Variants in PLEKHM3 observed in about 807,000 individuals in gnomAD.
PLEKHM3 encodes pleckstrin homology domain containing M3, also known as pleckstrin homology domain-containing family M member 3.
Under a neutral mutation model 81.8 loss-of-function variants are expected in PLEKHM3, and 45 were observed. That is an observed-to-expected ratio of 0.55 (90% CI 0.43 to 0.71). PLEKHM3 has a LOEUF of 0.71. Among genes scored for constraint, PLEKHM3 ranks in the 30% least tolerant of loss-of-function variants. The pLI is 0.00. For missense variants in PLEKHM3, 788 were observed against 924.3 expected (o/e 0.85, Z 1.91); for synonymous variants, 352 against 356.4 (o/e 0.99, Z 0.14).
chr2:207,868,452 G>A (rs952106325), intron 6 of PLEKHM3: 64 of 152,156 alleles, frequency 4.2e-4, no homozygotes, highest in African/African-American at 1.5e-3. Context: ...GGGGTAGAGT[G>A]GAAAAAGCAA....
intron 3 of PLEKHM3, among the ~76,000 whole-genome samples, chr2:207,954,859 C>T (rs540336708): frequency 6.6e-6 from 1 of 152,292 alleles, no homozygotes; most frequent in South Asian, 2.1e-4. Context: ...TATTTAATCT[C>T]ATGGAATGTT....
At chr2:207,974,709 C>T (rs541812430) in intron 3 of PLEKHM3, among the ~76,000 whole-genome samples, 496 of 152,230 alleles carry the variant, frequency 3.3e-3, no homozygotes, top group Non-Finnish European at 5.5e-3. Context: ...TCAGTAATTT[C>T]TATTTTTTTA....
intron 7 of PLEKHM3, among the ~76,000 whole-genome samples, chr2:207,841,852 C>G (rs1266720781): frequency 1.3e-5 from 2 of 152,076 alleles, no homozygotes; most frequent in African/African-American, 2.4e-5. Flanking sequence ...GAAACAGTCT[C>G]CCTTCATGTA....
intron 5 of PLEKHM3, among the ~76,000 whole-genome samples, chr2:207,922,179 A>C (rs1240357243): frequency 6.6e-6 from 1 of 152,070 alleles, no homozygotes; most frequent in Non-Finnish European, 1.5e-5. Flanking sequence ...TAGCCATTCT[A>C]ACTGGGGTGA....
At chr2:207,924,824 C>G (rs73983639) in intron 5 of PLEKHM3, among the ~76,000 whole-genome samples, 15 of 152,040 alleles carry the variant, frequency 9.9e-5, no homozygotes, top group Non-Finnish European at 2.1e-4. Context: ...GAAGGGCAGC[C>G]GAGGTGTTGG....
intron 3 of PLEKHM3, among the ~76,000 whole-genome samples, chr2:207,966,706 C>G (rs1045968566): frequency 6.6e-6 from 1 of 152,116 alleles, no homozygotes; most frequent in Non-Finnish European, 1.5e-5. Context: ...GTGCCTGCCA[C>G]CATGCCCGGC....
chr2:207,875,036 A>G (rs2092553654), intron 6 of PLEKHM3, among the ~76,000 whole-genome samples: 1 of 152,100 alleles, frequency 6.6e-6, no homozygotes, highest in Non-Finnish European at 1.5e-5. Context: ...TGGGGTAAAT[A>G]TTTTGTAATC....
rs369723820 is a variant in PLEKHM3 at position 207,914,218 on chromosome 2, G to A, written c.1887-5641C>T. Among the ~76,000 whole-genome samples the A allele has an allele frequency of 4.3e-4, 66 of 151,970 alleles. No homozygotes were observed. In the East Asian group the frequency reaches 9.6e-3, roughly 22 times the overall value. On this transcript the variant is annotated intron_variant, in intron 5 of 7. Transcript: ENST00000427836. The stretch of plus-strand genomic sequence containing the variant: ...AAATACAAAAATTAGCTGGGGGGCC[G>A]GGTGCCGTGGCTCACGCCTGTAATC...
At chr2:207,999,576 G>T (rs1373057050) in intron 2 of PLEKHM3, among the ~76,000 whole-genome samples, 2 of 152,106 alleles carry the variant, frequency 1.3e-5, no homozygotes, top group African/African-American at 4.8e-5. Context: ...TCATATTCCA[G>T]CCTGGGAGAC....
chr2:207,922,768 T>G (rs943490418), intron 5 of PLEKHM3, among the ~76,000 whole-genome samples: 1 of 150,944 alleles, frequency 6.6e-6, no homozygotes, highest in Admixed American at 6.6e-5. Flanking sequence ...GCAGAGATCG[T>G]GCCACTGCAC....
chr2:207,930,932 C>T lies in PLEKHM3; in HGVS notation c.1880G>A (p.Arg627His). 6.2e-7 allele frequency: 1 copy of T among 1,612,824 alleles called. No individual in the cohort carries two copies. Among genetic ancestry groups the T allele is most frequent in the Non-Finnish European group, 8.5e-7 (1 of 1,179,066 alleles). The change falls in exon 5 of 8, where the codon CGC becomes CAC. Residue 627 changes from arginine (R) to histidine (H), a missense_variant. Transcript: ENST00000427836. ...SCRAAVAEDLRRRIFPREYLL... is the reference protein window; with the variant it reads ...SCRAAVAEDLHRRIFPREYLL... ...TGAGATTTATGACTCTTACCTGCGG[C>T]GGAGATCCTCTGCCACCGCTGCCCG...
rs1283240812 is a variant in PLEKHM3, at chr2:207,875,832, C to T, written c.1951-14570G>A. 2.0e-5 allele frequency among the ~76,000 whole-genome samples: 3 copies of T among 152,146 alleles called. 1 individual carries two copies. The East Asian group carries it at 5.8e-4, about 29-fold the overall frequency. On this transcript the variant is annotated intron_variant, in intron 6 of 7. Transcript: ENST00000427836. The stretch of plus-strand genomic sequence containing the variant: ...TAAAAAAAGCAAACAACAACAACAA[C>T]AACAACAACAAAACAGGTTTAAGTT...
At chr2:207,951,108 A>C (rs1418924287) in intron 3 of PLEKHM3, among the ~76,000 whole-genome samples, 1 of 152,212 alleles carries the variant, frequency 6.6e-6, no homozygotes, top group Non-Finnish European at 1.5e-5. Context: ...TCATGGACTA[A>C]AAATGTCTGA....
intron 3 of PLEKHM3, among the ~76,000 whole-genome samples, chr2:207,961,525 AT>A (rs1257373586): frequency 6.6e-6 from 1 of 151,928 alleles, no homozygotes; most frequent in African/African-American, 2.4e-5. Context: ...TAAGTACGAC[AT>A]TTTTTTTCAG....
chr2:207,872,535 T>C (rs2092539826), intron 6 of PLEKHM3, among the ~76,000 whole-genome samples: 1 of 152,184 alleles, frequency 6.6e-6, no homozygotes. Context: ...AATGGATTTA[T>C]CATCAACTTA....
intron 7 of PLEKHM3, among the ~76,000 whole-genome samples, chr2:207,856,399 A>G (rs1417649371): frequency 1.3e-5 from 2 of 152,200 alleles, no homozygotes; most frequent in Admixed American, 6.5e-5. Context: ...GTATAATGTC[A>G]TGTATACACC....
intron 7 of PLEKHM3, among the ~76,000 whole-genome samples, chr2:207,850,418 G>A (rs1051388481): frequency 6.6e-6 from 1 of 152,166 alleles, no homozygotes; most frequent in Non-Finnish European, 1.5e-5. Flanking sequence ...AAAAACCTAG[G>A]AGGATGACTT....
intron 2 of PLEKHM3, among the ~76,000 whole-genome samples, chr2:207,995,951 T>C (rs1007500018): frequency 6.6e-6 from 1 of 152,176 alleles, no homozygotes; most frequent in African/African-American, 2.4e-5. Context: ...GTTGAAAACG[T>C]TATAAAATTA....
At chr2:207,999,334 G>C (rs1052439623) in intron 2 of PLEKHM3, among the ~76,000 whole-genome samples, 4 of 150,452 alleles carry the variant, frequency 2.7e-5, no homozygotes, top group Non-Finnish European at 5.9e-5. Flanking sequence ...CCTTTTCTTA[G>C]CCAGGCATGG....
Sources: gnomAD v4.1 joint callset for allele counts (sites outside exome capture counted in the v4.1 genomes callset) on GRCh38, gnomAD v4.1.1 for gene constraint, MANE v1.5 for transcripts, NCBI Gene and HGNC (gene_info 2026-07-23, HGNC 2026-07-21) for gene names.